The following PLCB1 variants were observed in gnomAD, a reference collection of about 807,000 sequenced individuals.
The protein encoded by PLCB1 is phospholipase C beta 1.
PLCB1 carries 46 observed loss-of-function variants against 161.8 expected under a neutral mutation model. The observed-to-expected ratio is 0.28, with a 90% CI of 0.22 to 0.36. PLCB1 has a LOEUF of 0.36. Ranked by LOEUF, PLCB1 falls within the 10% of genes least tolerant of loss-of-function variation. The probability of loss-of-function intolerance (pLI) is 1.00; values close to 1 mark genes in which losing one functional copy is unlikely to be tolerated. For missense variants in PLCB1, 1,016 were observed against 1,472.5 expected, an observed-to-expected ratio of 0.69 and a Z score of 5.07; for synonymous variants, 517 against 503.7, an observed-to-expected ratio of 1.03 and a Z score of -0.35.
chr20:8,481,281 A>G (rs1240941478), intron 3 of PLCB1, among the ~76,000 whole-genome samples: 1 of 152,244 alleles, frequency 6.6e-6, no homozygotes, highest in African/African-American at 2.4e-5. Flanking sequence ...GCCTTCTGAT[A>G]GAACTGCTAA....
chr20:8,712,924 C>G (rs1979098000), intron 12 of PLCB1, among the ~76,000 whole-genome samples: 1 of 152,146 alleles, frequency 6.6e-6, no homozygotes, highest in Non-Finnish European at 1.5e-5. Flanking sequence ...ATGCTCTAAA[C>G]ACTTCAGGAT....
chr20:8,160,917 C>A (rs1489310573), intron 2 of PLCB1, among the ~76,000 whole-genome samples: 8 of 152,062 alleles, frequency 5.3e-5, no homozygotes, highest in Admixed American at 5.2e-4. Context: ...ATTTAAAAGG[C>A]AAAAATGCAA....
chr20:8,440,480 C>T (rs73593732), intron 3 of PLCB1, among the ~76,000 whole-genome samples: 3,726 of 152,238 alleles, frequency 0.024, 169 homozygotes, highest in African/African-American at 0.085. Flanking sequence ...GGACTTTCTC[C>T]AGGAATTGAT....
intron 9 of PLCB1, among the ~76,000 whole-genome samples, chr20:8,678,733 T>C (rs1990147625): frequency 6.6e-6 from 1 of 152,154 alleles, no homozygotes; most frequent in East Asian, 1.9e-4. Flanking sequence ...CCATCGGCAA[T>C]CAACGCTGAC....
chr20:8,803,549 C>G (rs539867531), intron 31 of PLCB1, among the ~76,000 whole-genome samples: 1 of 150,908 alleles, frequency 6.6e-6, no homozygotes, highest in Admixed American at 6.6e-5. Flanking sequence ...CAACAGTGAT[C>G]ATTTTGTTTC....
intron 31 of PLCB1, among the ~76,000 whole-genome samples, chr20:8,798,687 A>G (rs963054856): frequency 2.6e-5 from 4 of 152,192 alleles, no homozygotes; most frequent in Non-Finnish European, 4.4e-5. Flanking sequence ...AACCAGACAC[A>G]TAAATCAACA....
intron 9 of PLCB1, among the ~76,000 whole-genome samples, chr20:8,678,738 G>A (rs1003339725): frequency 6.6e-6 from 1 of 152,074 alleles, no homozygotes; most frequent in Non-Finnish European, 1.5e-5. Flanking sequence ...GGCAATCAAC[G>A]CTGACTGATT....
At chr20:8,396,812 G>C (rs557163692) in intron 3 of PLCB1, among the ~76,000 whole-genome samples, 1 of 151,982 alleles carries the variant, frequency 6.6e-6, no homozygotes, top group Non-Finnish European at 1.5e-5. Flanking sequence ...ACATGACACT[G>C]TAAGCATGGC....
chr20:8,558,402 T>TA (rs1183391713), intron 3 of PLCB1, among the ~76,000 whole-genome samples: 1 of 149,656 alleles, frequency 6.7e-6, no homozygotes, highest in African/African-American at 2.5e-5. Flanking sequence ...AACTGAAGGA[T>TA]AAAAAAAGAA....
At chr20:8,177,728 G>A (rs77788469) in intron 2 of PLCB1, among the ~76,000 whole-genome samples, 1,918 of 152,186 alleles carry the variant, frequency 0.013, 43 homozygotes, top group African/African-American at 0.042. Context: ...ATATGTGCAA[G>A]TTGGTTCTAT....
At chr20:8,710,629 C>T (rs900921860) in intron 12 of PLCB1, among the ~76,000 whole-genome samples, 1 of 151,278 alleles carries the variant, frequency 6.6e-6, no homozygotes, top group Non-Finnish European at 1.5e-5. Context: ...ATTCTCCTGC[C>T]TCAGCCTTCC....
intron 3 of PLCB1, among the ~76,000 whole-genome samples, chr20:8,581,300 T>C (rs1200410588): frequency 1.3e-5 from 2 of 152,250 alleles, no homozygotes; most frequent in East Asian, 3.9e-4. Flanking sequence ...ACTTCCTAGT[T>C]CTCTTTGCAG....
chr20:8,377,134 G>C (rs577205549), intron 3 of PLCB1, among the ~76,000 whole-genome samples: 3 of 152,204 alleles, frequency 2.0e-5, no homozygotes, highest in African/African-American at 7.2e-5. Context: ...ACAGATAACA[G>C]ATAAGTCCCA....
At chr20:8,453,249 A>G (rs1858462616) in intron 3 of PLCB1, among the ~76,000 whole-genome samples, 1 of 152,204 alleles carries the variant, frequency 6.6e-6, no homozygotes, top group South Asian at 2.1e-4. Context: ...CATGGGTTCC[A>G]GTGGAAGGTG....
chr20:8,871,398 A>G (rs117074667), intron 31 of PLCB1, among the ~76,000 whole-genome samples: 244 of 152,312 alleles, frequency 1.6e-3, no homozygotes, highest in Non-Finnish European at 3.0e-3. Flanking sequence ...GGATAATACT[A>G]AAGGTATTGG....
intron 3 of PLCB1, among the ~76,000 whole-genome samples, chr20:8,463,582 A>G (rs1235078512): frequency 6.6e-6 from 1 of 152,158 alleles, no homozygotes; most frequent in African/African-American, 2.4e-5. Context: ...TGTAGTTACT[A>G]CAGCCATTTT....
chr20:8,460,465 G>A (rs1336114421), intron 3 of PLCB1, among the ~76,000 whole-genome samples: 2 of 152,170 alleles, frequency 1.3e-5, no homozygotes, highest in Non-Finnish European at 2.9e-5. Flanking sequence ...CTCTTCTCAA[G>A]CATTTATCAA....
chr20:8,643,982 A>G (rs970459799), intron 4 of PLCB1, among the ~76,000 whole-genome samples: 42 of 152,224 alleles, frequency 2.8e-4, no homozygotes, highest in South Asian at 4.1e-4. Flanking sequence ...TTTTTGGTGG[A>G]GACGGGGTTT....
intron 31 of PLCB1, among the ~76,000 whole-genome samples, chr20:8,826,366 G>A (rs1985701243): frequency 6.6e-6 from 1 of 152,002 alleles, no homozygotes. Context: ...GTGGTGGCAG[G>A]CGCCTGTAGT....
Sources: allele counts gnomAD v4.1 joint callset (sites outside exome capture counted in the v4.1 genomes callset), GRCh38; gene constraint gnomAD v4.1.1; transcripts MANE v1.5; gene names NCBI Gene and HGNC (gene_info 2026-07-23, HGNC 2026-07-21).